SV2C: variants seen among roughly 807,000 people sequenced by gnomAD.
SV2C encodes the protein synaptic vesicle glycoprotein 2C.
Under a neutral mutation model 79.7 loss-of-function variants are expected in SV2C, and 49 were observed. The ratio of observed to expected loss-of-function variants is 0.61; its 90% CI spans 0.49 to 0.78. The LOEUF (loss-of-function observed/expected upper bound fraction) is 0.78. Ranked by LOEUF, SV2C falls within the 30% of genes least tolerant of loss-of-function variation. The pLI is 0.00. For missense variants in SV2C, 833 were observed against 912.9 expected (o/e 0.91, Z 1.13); for synonymous variants, 334 against 333.2 (o/e 1.00, Z -0.03).
At chr5:75,958,766 T>C in the SV2C span, among the ~76,000 whole-genome samples, 1 of 152,052 alleles carries the variant, frequency 6.6e-6, no homozygotes, top group East Asian at 2.0e-4. Flanking sequence ...GGAAGCCCTC[T>C]CCCTCTCTTG....
At chr5:76,189,992 T>C (rs1174335519) in intron 2 of SV2C, among the ~76,000 whole-genome samples, 1 of 152,168 alleles carries the variant, frequency 6.6e-6, no homozygotes, top group African/African-American at 2.4e-5. Context: ...AGAACTGGCA[T>C]AAAAAAGTTG....
At chr5:75,967,525 T>C in the SV2C span, among the ~76,000 whole-genome samples, 2 of 152,146 alleles carry the variant, frequency 1.3e-5, no homozygotes, top group Admixed American at 1.3e-4. Context: ...GGAGTTTATA[T>C]CCCGCACATG....
At chr5:76,274,242 T>A (rs1390289467) in intron 4 of SV2C, among the ~76,000 whole-genome samples, 1 of 152,220 alleles carries the variant, frequency 6.6e-6, no homozygotes, top group East Asian at 1.9e-4. Context: ...CTTTTCCTTT[T>A]TGGGTAAAAA....
At chr5:76,082,598 C>T (rs1747029909), upstream of SV2C, among the ~76,000 whole-genome samples, 1 of 148,868 alleles carries the variant, frequency 6.7e-6, no homozygotes, top group Non-Finnish European at 1.5e-5. Flanking sequence ...TTTCTTTCTT[C>T]CTCCTCCTCC....
the SV2C span, among the ~76,000 whole-genome samples, chr5:75,868,714 G>A: frequency 1.3e-5 from 2 of 152,096 alleles, no homozygotes; most frequent in Non-Finnish European, 2.9e-5. Flanking sequence ...TTGGAGTTGG[G>A]GGCAGAGTCC....
the SV2C span, among the ~76,000 whole-genome samples, chr5:76,008,687 C>T: frequency 2.6e-5 from 4 of 152,250 alleles, no homozygotes; most frequent in African/African-American, 9.6e-5. Flanking sequence ...ACCATGAGAC[C>T]ATGTTTCCAC....
At chr5:76,295,178 G>C (rs1044651165) in intron 8 of SV2C, among the ~76,000 whole-genome samples, 3 of 152,202 alleles carry the variant, frequency 2.0e-5, no homozygotes, top group Non-Finnish European at 4.4e-5. Flanking sequence ...AAGACTGGAA[G>C]TCCAAGCTCA....
At chr5:76,028,663 T>A in the SV2C span, among the ~76,000 whole-genome samples, 1 of 152,224 alleles carries the variant, frequency 6.6e-6, no homozygotes, top group African/African-American at 2.4e-5. Flanking sequence ...TTCTGATGAT[T>A]GATCTGGCTG....
chr5:76,055,086 T>C, the SV2C span, among the ~76,000 whole-genome samples: 1 of 152,200 alleles, frequency 6.6e-6, no homozygotes, highest in Middle Eastern at 3.2e-3. Context: ...GCCTATGTCC[T>C]GAATGGTATT....
At chr5:76,047,538 C>T in the SV2C span, among the ~76,000 whole-genome samples, 3 of 151,962 alleles carry the variant, frequency 2.0e-5, no homozygotes, top group Non-Finnish European at 4.4e-5. Context: ...GTGGTTAAAC[C>T]ATTTAGCTGA....
At chr5:75,953,203 G>A in the SV2C span, among the ~76,000 whole-genome samples, 3 of 151,854 alleles carry the variant, frequency 2.0e-5, no homozygotes, top group African/African-American at 7.3e-5. Context: ...TTAACAATCA[G>A]CTCTTGTGGG....
intron 2 of SV2C, among the ~76,000 whole-genome samples, chr5:76,161,919 C>A (rs755387533): frequency 4.6e-5 from 7 of 152,054 alleles, no homozygotes; most frequent in African/African-American, 7.2e-5. Flanking sequence ...AGGACAGAAA[C>A]AATAAAGTGG....
At chr5:76,200,508 CTG>C (rs1281566959) in intron 3 of SV2C, among the ~76,000 whole-genome samples, 2 of 152,166 alleles carry the variant, frequency 1.3e-5, no homozygotes, top group Non-Finnish European at 2.9e-5. Flanking sequence ...GTTTACCTGT[CTG>C]TGTGTTGATT....
At chr5:76,041,522 A>G in the SV2C span, among the ~76,000 whole-genome samples, 3 of 152,104 alleles carry the variant, frequency 2.0e-5, no homozygotes, top group Non-Finnish European at 4.4e-5. Flanking sequence ...GAGAGCCTAA[A>G]AGCAAGCTCA....
chr5:75,848,452 G>A, the SV2C span, among the ~76,000 whole-genome samples: 1 of 152,178 alleles, frequency 6.6e-6, no homozygotes, highest in African/African-American at 2.4e-5. Flanking sequence ...GAAGGATGAA[G>A]GAAGACAGAA....
the SV2C span, among the ~76,000 whole-genome samples, chr5:76,014,761 G>C: frequency 3.3e-5 from 5 of 152,180 alleles, no homozygotes; most frequent in South Asian, 8.3e-4. Context: ...CTTAACTTAA[G>C]GTGCAAGTTA....
At chr5:76,051,827 A>G in the SV2C span, among the ~76,000 whole-genome samples, 1 of 152,176 alleles carries the variant, frequency 6.6e-6, no homozygotes, top group Non-Finnish European at 1.5e-5. Flanking sequence ...CATTCTTTGA[A>G]TGATCTCTAA....
At chr5:76,009,986 ATTTTG>A in the SV2C span, among the ~76,000 whole-genome samples, 74 of 100,026 alleles carry the variant, frequency 7.4e-4, no homozygotes, top group Admixed American at 1.2e-3. Context: ...TTACTTATCT[ATTTTG>A]TTTTTTTTTT....
the SV2C span, among the ~76,000 whole-genome samples, chr5:75,930,605 G>T: frequency 6.6e-6 from 1 of 152,146 alleles, no homozygotes; most frequent in African/African-American, 2.4e-5. Context: ...TGCAATTTTT[G>T]TTCACTGACC....
Sources: gnomAD v4.1 joint callset for allele counts (sites outside exome capture counted in the v4.1 genomes callset) on GRCh38, gnomAD v4.1.1 for gene constraint, MANE v1.5 for transcripts, NCBI Gene and HGNC (gene_info 2026-07-23, HGNC 2026-07-21) for gene names.